The following GREB1L variants were observed in gnomAD, a reference collection of about 807,000 sequenced individuals.
GREB1L encodes GREB1 like retinoic acid receptor coactivator, also known as GREB1-like protein.
GREB1L carries 17 observed loss-of-function variants against 200.8 expected under a neutral mutation model. The ratio of observed to expected loss-of-function variants is 0.08; its 90% CI spans 0.06 to 0.13. The LOEUF (loss-of-function observed/expected upper bound fraction) is 0.13, where lower values mean the gene tolerates loss of function less well. Among genes scored for constraint, GREB1L ranks in the 10% least tolerant of loss-of-function variants. GREB1L has a pLI of 1.00. For synonymous variants in GREB1L, 789 were observed against 893.0 expected (o/e 0.88, Z 2.08); for missense variants, 1,657 against 2,367.7 (o/e 0.70, Z 6.23).
chr18:21,333,694 A>T (rs1273785553), intron 1 of GREB1L, among the ~76,000 whole-genome samples: 2 of 150,790 alleles, frequency 1.3e-5, no homozygotes, highest in African/African-American at 2.5e-5. Flanking sequence ...AAAAAAAAGA[A>T]TTCTAGTCTG....
chr18:21,506,518 C>T (rs2037029559), intron 25 of GREB1L, among the ~76,000 whole-genome samples: 3 of 152,154 alleles, frequency 2.0e-5, no homozygotes, highest in South Asian at 2.1e-4. Flanking sequence ...AATGGTTACA[C>T]GTGTCATGTT....
At chr18:21,417,720 A>C (rs184290034) in intron 7 of GREB1L, among the ~76,000 whole-genome samples, 5 of 152,046 alleles carry the variant, frequency 3.3e-5, no homozygotes, top group African/African-American at 1.2e-4. Context: ...GGCCAGGCAC[A>C]GTGGCTCACA....
intron 15 of GREB1L, among the ~76,000 whole-genome samples, chr18:21,465,977 A>C (rs1273433823): frequency 1.3e-5 from 2 of 152,144 alleles, no homozygotes; most frequent in East Asian, 3.8e-4. Flanking sequence ...TAGTTTTACC[A>C]TAATGCCTTA....
chr18:21,302,119 C>A (rs1048865850), intron 1 of GREB1L, among the ~76,000 whole-genome samples: 1 of 152,162 alleles, frequency 6.6e-6, no homozygotes, highest in East Asian at 1.9e-4. Flanking sequence ...TTCTCCTCCT[C>A]CCCTCCCATG....
At chr18:21,481,529 T>C (rs1489538522) in intron 17 of GREB1L, among the ~76,000 whole-genome samples, 1 of 151,292 alleles carries the variant, frequency 6.6e-6, no homozygotes, top group Non-Finnish European at 1.5e-5. Flanking sequence ...TTCTTGTTTA[T>C]ATTAACAATG....
intron 1 of GREB1L, 63 bp downstream of exon 1, chr18:21,242,456 G>C (rs906244133): frequency 7.5e-4 from 114 of 152,460 alleles, no homozygotes; most frequent in Non-Finnish European, 1.3e-3. Flanking sequence ...CCGGGCGCGG[G>C]AGCTCGCCTG....
chr18:21,431,903 A>G (rs1183553831), intron 7 of GREB1L, among the ~76,000 whole-genome samples: 2 of 109,724 alleles, frequency 1.8e-5, no homozygotes, highest in South Asian at 2.9e-4. Flanking sequence ...CTTAGAGTCT[A>G]TTTTTCTTTT....
chr18:21,439,598 T>A lies in GREB1L; in HGVS notation c.910T>A (p.Ser304Thr). 1 of 1,551,814 alleles carries A rather than the reference T, an allele frequency of 6.4e-7. No individual in the cohort carries two copies. Residue 304 changes from serine (S) to threonine (T), a missense_variant, in exon 8 of 33, where the codon TCT becomes ACT. Transcript: ENST00000424526. ...CACTCCAGCCCACACAGGGAATTAC[T>A]CTTTGTCACCACGACCTAGCTATGC... ...SSTPAHTGNY[S>T]LSPRPSYASG...
chr18:21,363,692 T>G (rs2039615680), intron 1 of GREB1L: 1 of 152,120 alleles, frequency 6.6e-6, no homozygotes, highest in Non-Finnish European at 1.5e-5. Context: ...ATCAAGGGGT[T>G]TCAGGGTCTG....
chr18:21,382,418 C>T (rs2040356269), intron 2 of GREB1L, among the ~76,000 whole-genome samples: 1 of 152,060 alleles, frequency 6.6e-6, no homozygotes, highest in African/African-American at 2.4e-5. Flanking sequence ...CACCTCCACC[C>T]CCAAGACCCT....
At chr18:21,338,922 C>T (rs2039227847) in intron 1 of GREB1L, among the ~76,000 whole-genome samples, 1 of 152,214 alleles carries the variant, frequency 6.6e-6, no homozygotes, top group Admixed American at 6.5e-5. Context: ...GGCACAGTGG[C>T]TTACGCCTGT....
Position 21,525,436 on chromosome 18 carries a change from TTA to T in GREB1L, c.*2618_*2619del, listed in dbSNP as rs778097705. On this transcript the variant is annotated 3_prime_UTR_variant, in exon 33 of 33. Transcript: ENST00000424526. ...CCCCCTCCAAAAAGTTATTTTTTCT[TTA>T]TAGTTTTCTGGCATGTTTGTTAAGA... The T allele has an allele frequency of 9.9e-5, 15 of 152,186 alleles. No homozygotes were observed. Among genetic ancestry groups the T allele is most frequent in the Non-Finnish European group, 2.2e-4 (15 of 68,028 alleles). 9.4% of individuals were successfully genotyped at this position (152,186 alleles called of 1,614,324 possible).
intron 8 of GREB1L, among the ~76,000 whole-genome samples, 180 bp downstream of exon 8, chr18:21,439,817 T>C (rs572642709): frequency 1.3e-5 from 2 of 152,358 alleles, no homozygotes; most frequent in East Asian, 3.9e-4. Flanking sequence ...GGATTCTATG[T>C]GGATGACCTA....
At chr18:21,333,984 TAA>T (rs796925427) in intron 1 of GREB1L, among the ~76,000 whole-genome samples, 4 of 138,772 alleles carry the variant, frequency 2.9e-5, no homozygotes, top group African/African-American at 5.3e-5. Flanking sequence ...AGATCTTGCC[TAA>T]AAAAAAAAAA....
intron 7 of GREB1L, among the ~76,000 whole-genome samples, chr18:21,419,117 C>T (rs1377709433): frequency 6.6e-6 from 1 of 152,098 alleles, no homozygotes; most frequent in Non-Finnish European, 1.5e-5. Flanking sequence ...TTTGCTGTAG[C>T]TTTGGGGCAG....
At chr18:21,515,365 A>T (rs1278226521) in intron 28 of GREB1L, 52 bp from the exon 29 acceptor site, 13 of 1,256,728 alleles carry the variant, frequency 1.0e-5, no homozygotes, top group Non-Finnish European at 1.5e-5. Context: ...TTCACAAATG[A>T]TCCTCTCTTC....
intron 5 of GREB1L, among the ~76,000 whole-genome samples, chr18:21,398,974 G>A (rs2041198989): frequency 6.6e-6 from 1 of 152,134 alleles, no homozygotes; most frequent in African/African-American, 2.4e-5. Context: ...TTTTTAAAAT[G>A]GACTGTAGGA....
chr18:21,485,843 G>A (rs2086248400), intron 18 of GREB1L, 90 bp downstream of exon 18: 2 of 1,261,524 alleles, frequency 1.6e-6, no homozygotes, highest in Non-Finnish European at 2.2e-6. Context: ...GTGCTACGGG[G>A]TGTTTGATGG....
intron 1 of GREB1L, among the ~76,000 whole-genome samples, chr18:21,311,504 G>A (rs145742402): frequency 6.6e-6 from 1 of 152,134 alleles, no homozygotes; most frequent in Non-Finnish European, 1.5e-5. Context: ...CAAATGAGTC[G>A]TTGAAGATAA....
Sources: gnomAD v4.1 joint callset for allele counts (sites outside exome capture counted in the v4.1 genomes callset) on GRCh38, gnomAD v4.1.1 for gene constraint, MANE v1.5 for transcripts, NCBI Gene and HGNC (gene_info 2026-07-23, HGNC 2026-07-21) for gene names.